The following RCAN2 variants were observed in gnomAD, a reference collection of about 807,000 sequenced individuals.
RCAN2 encodes the protein calcipressin-2.
Under a neutral mutation model 23.6 loss-of-function variants are expected in RCAN2, and 9 were observed. That is an observed-to-expected ratio of 0.38 (90% confidence interval 0.23 to 0.67). The LOEUF is 0.67. Among genes scored for constraint, RCAN2 ranks in the 30% least tolerant of loss-of-function variants. The pLI, the probability that RCAN2 is intolerant of heterozygous loss-of-function variation, is 0.51. For synonymous variants in RCAN2, 109 were observed against 115.7 expected (o/e 0.94, Z 0.37); for missense variants, 273 against 302.3 (o/e 0.90, Z 0.72).
At chr6:46,465,663 C>A (rs1471655164) in intron 1 of RCAN2, among the ~76,000 whole-genome samples, 1 of 152,164 alleles carries the variant, frequency 6.6e-6, no homozygotes, top group African/African-American at 2.4e-5. Flanking sequence ...AACTTGTTAT[C>A]TTTCTCTGAT....
At chr6:46,274,757 C>T (rs1480718812) in intron 2 of RCAN2, among the ~76,000 whole-genome samples, 1 of 152,156 alleles carries the variant, frequency 6.6e-6, no homozygotes, top group Non-Finnish European at 1.5e-5. Flanking sequence ...CCCGAGACAG[C>T]CCCAGTGGAT....
chr6:46,417,137 A>G (rs1766736140), intron 2 of RCAN2, among the ~76,000 whole-genome samples: 1 of 152,168 alleles, frequency 6.6e-6, no homozygotes, highest in South Asian at 2.1e-4. Context: ...TACATGTGTC[A>G]TAGATGGAAA....
At chr6:46,290,576 G>C (rs896200652) in intron 2 of RCAN2, among the ~76,000 whole-genome samples, 3 of 152,028 alleles carry the variant, frequency 2.0e-5, no homozygotes, top group Non-Finnish European at 2.9e-5. Context: ...ATTGTTCCAG[G>C]ATAATCTTAA....
At chr6:46,374,171 G>C (rs1765399900) in intron 2 of RCAN2, among the ~76,000 whole-genome samples, 1 of 152,124 alleles carries the variant, frequency 6.6e-6, no homozygotes, top group Admixed American at 6.5e-5. Flanking sequence ...TTGGTTATGT[G>C]AATACTCCAA....
chr6:46,446,026 T>G (rs1297020931), intron 2 of RCAN2, among the ~76,000 whole-genome samples: 1 of 151,524 alleles, frequency 6.6e-6, no homozygotes, highest in East Asian at 1.9e-4. Context: ...AACAGAAAAT[T>G]TTTCAAATCT....
In RCAN2 at chr6:46,284,843, T is replaced by A. The variant is rs563487155; in HGVS notation, c.226-35947A>T. Among the ~76,000 whole-genome samples, 46 of 152,336 alleles carry A rather than the reference T, an allele frequency of 3.0e-4. 1 individual carries two copies. In the South Asian group the frequency reaches 9.5e-3, roughly 32 times the overall value. ...TGGGAAAAGCAGTATATTACTGCAATCTTCATGAATTATGGGATATGGGAA... is the reference window on the plus strand; with the variant it reads ...TGGGAAAAGCAGTATATTACTGCAAACTTCATGAATTATGGGATATGGGAA... On this transcript the variant is annotated intron_variant, in intron 2 of 4. Coordinates refer to ENST00000371374, the MANE Select transcript of RCAN2 (RefSeq NM_001251974.2).
At chr6:46,327,887 A>G (rs1763845506) in intron 2 of RCAN2, among the ~76,000 whole-genome samples, 1 of 152,248 alleles carries the variant, frequency 6.6e-6, no homozygotes. Context: ...GTTCCAGCAC[A>G]TCACTGTTTC....
chr6:46,397,705 A>G (rs1766137232), intron 2 of RCAN2, among the ~76,000 whole-genome samples: 1 of 152,180 alleles, frequency 6.6e-6, no homozygotes, highest in South Asian at 2.1e-4. Context: ...AACACTTTTC[A>G]TTTTATTAGT....
intron 2 of RCAN2, among the ~76,000 whole-genome samples, chr6:46,392,725 A>G (rs1348563523): frequency 1.3e-5 from 2 of 152,216 alleles, no homozygotes; most frequent in African/African-American, 4.8e-5. Context: ...ACTTTCTCCC[A>G]ACAGAATATG....
chr6:46,369,279 G>A (rs1765262089), intron 2 of RCAN2, among the ~76,000 whole-genome samples: 1 of 152,072 alleles, frequency 6.6e-6, no homozygotes, highest in African/African-American at 2.4e-5. Context: ...GGACCTGCCT[G>A]AGGCTGTTTT....
At chr6:46,321,566 C>T (rs1358036062) in intron 2 of RCAN2, among the ~76,000 whole-genome samples, 2 of 152,196 alleles carry the variant, frequency 1.3e-5, no homozygotes, top group African/African-American at 2.4e-5. Context: ...GGCTGGAAAC[C>T]TGGTACATGA....
chr6:46,333,298 G>C (rs1053258923), intron 2 of RCAN2, among the ~76,000 whole-genome samples: 8 of 152,012 alleles, frequency 5.3e-5, no homozygotes, highest in African/African-American at 1.9e-4. Context: ...ACTATTTTCT[G>C]TCTTGGTCTT....
chr6:46,352,032 T>C (rs1029780683), intron 2 of RCAN2, among the ~76,000 whole-genome samples: 7 of 152,220 alleles, frequency 4.6e-5, no homozygotes, highest in Non-Finnish European at 8.8e-5. Context: ...AAGAATATAG[T>C]TTGATTTCAA....
chr6:46,401,411 G>T (rs1766244838), intron 2 of RCAN2, among the ~76,000 whole-genome samples: 1 of 152,142 alleles, frequency 6.6e-6, no homozygotes, highest in Admixed American at 6.5e-5. Context: ...AGAGATTCAG[G>T]TGCCTTCCCT....
rs928409888 is a variant in RCAN2, at chr6:46,425,152, C to G, written c.225+31600G>C. Among the ~76,000 whole-genome samples the G allele has an allele frequency of 2.6e-5, 4 of 152,196 alleles. No homozygotes were observed. In the East Asian group the frequency reaches 7.7e-4, roughly 29 times the overall value. On this transcript the variant is annotated intron_variant, in intron 2 of 4. Coordinates refer to ENST00000371374, the MANE Select transcript of RCAN2 (RefSeq NM_001251974.2). ...TTATTCTAGAGCAGTGGCTCTGAAA[C>G]TTTGTGGTCTTAGAGATCCATTATG...
At chr6:46,290,138 GAA>G (rs537517550) in intron 2 of RCAN2, among the ~76,000 whole-genome samples, 2 of 146,140 alleles carry the variant, frequency 1.4e-5, no homozygotes, top group African/African-American at 5.0e-5. Flanking sequence ...CAGTGATGCA[GAA>G]AAAAAAAAAT....
At chr6:46,342,736 G>T (rs1185481842) in intron 2 of RCAN2, among the ~76,000 whole-genome samples, 1 of 151,662 alleles carries the variant, frequency 6.6e-6, no homozygotes, top group African/African-American at 2.4e-5. Flanking sequence ...GTAGTTGTGG[G>T]AGAAAGAATT....
At chr6:46,257,568 C>T (rs570709079) in intron 2 of RCAN2, among the ~76,000 whole-genome samples, 6 of 152,078 alleles carry the variant, frequency 3.9e-5, no homozygotes, top group Admixed American at 6.5e-5. Context: ...GGGGAAGAGC[C>T]GCTTATGAAA....
At chr6:46,418,675 T>C (rs1766778677) in intron 2 of RCAN2, among the ~76,000 whole-genome samples, 1 of 137,502 alleles carries the variant, frequency 7.3e-6, no homozygotes, top group African/African-American at 2.7e-5. Flanking sequence ...AATATAATCA[T>C]CTCTAAAATA....
Sources: allele counts gnomAD v4.1 joint callset (sites outside exome capture counted in the v4.1 genomes callset), GRCh38; gene constraint gnomAD v4.1.1; transcripts MANE v1.5; gene names NCBI Gene and HGNC (gene_info 2026-07-23, HGNC 2026-07-21).